Variants in KCNQ5 observed in about 807,000 individuals in gnomAD.
KCNQ5 encodes potassium voltage-gated channel subfamily Q member 5.
In KCNQ5, 30 loss-of-function variants were observed where a neutral mutation model predicts 98.2. The observed-to-expected ratio is 0.31, with a 90% confidence interval of 0.23 to 0.41. The LOEUF (loss-of-function observed/expected upper bound fraction) is 0.41, where lower values mean the gene tolerates loss of function less well. Among genes scored for constraint, KCNQ5 ranks in the 10% least tolerant of loss-of-function variants. The pLI, the probability that KCNQ5 is intolerant of heterozygous loss-of-function variation, is 1.00. For synonymous variants in KCNQ5, 458 were observed against 449.4 expected (o/e 1.02, Z -0.24); for missense variants, 835 against 1,182.5 (o/e 0.71, Z 4.31).
chr6:73,000,883 C>T (rs994451324), intron 1 of KCNQ5, among the ~76,000 whole-genome samples: 5 of 152,224 alleles, frequency 3.3e-5, no homozygotes, highest in Non-Finnish European at 7.3e-5. Flanking sequence ...CCATTTTCTA[C>T]TGAACTAAAT....
intron 1 of KCNQ5, among the ~76,000 whole-genome samples, chr6:72,951,771 A>G (rs1248588659): frequency 1.3e-5 from 2 of 152,166 alleles, no homozygotes; most frequent in African/African-American, 2.4e-5. Flanking sequence ...TAGGGATGAG[A>G]ATTATGTATT....
At chr6:72,920,091 C>T (rs1339686831) in intron 1 of KCNQ5, among the ~76,000 whole-genome samples, 2 of 152,024 alleles carry the variant, frequency 1.3e-5, no homozygotes, top group East Asian at 1.9e-4. Context: ...CACCTGAGGT[C>T]GGGAGTTTGA....
At chr6:72,854,114 C>G (rs556511446) in intron 1 of KCNQ5, among the ~76,000 whole-genome samples, 3 of 152,122 alleles carry the variant, frequency 2.0e-5, no homozygotes, top group Non-Finnish European at 4.4e-5. Context: ...CGCTTAAGAA[C>G]CTGCATGCAA....
intron 1 of KCNQ5, among the ~76,000 whole-genome samples, chr6:72,911,909 C>G (rs181497177): frequency 1.3e-5 from 2 of 152,274 alleles, no homozygotes; most frequent in Non-Finnish European, 2.9e-5. Context: ...TACCTCTGAA[C>G]TGGCAGTTTT....
At chr6:72,766,599 C>A (rs1232119518) in intron 1 of KCNQ5, among the ~76,000 whole-genome samples, 2 of 151,966 alleles carry the variant, frequency 1.3e-5, no homozygotes, top group African/African-American at 4.8e-5. Flanking sequence ...TTTCCAGATA[C>A]AATCTGAAGG....
intron 1 of KCNQ5, among the ~76,000 whole-genome samples, chr6:72,798,025 C>T (rs1055685075): frequency 1.6e-4 from 24 of 152,002 alleles, no homozygotes; most frequent in African/African-American, 5.8e-4. Context: ...AGAATGTATG[C>T]AAGATATAAA....
At position 72,909,176 on chromosome 6, in the gene KCNQ5, G is replaced by A. The variant is rs562164690; in HGVS notation, c.399-94732G>A. Among the ~76,000 whole-genome samples, 321 of 152,202 alleles carry A rather than the reference G, an allele frequency of 2.1e-3. 1 individual carries two copies. The highest frequency in any genetic ancestry group is 7.4e-3 in the African/African-American group (307 of 41,542). ...TTATTTCACTTGAAAGAAAAATGTA[G>A]GTGTAAGGGGAAAAGTTATAGGTAA... is the stretch of plus-strand genomic sequence containing the variant. On this transcript the variant is annotated intron_variant, in intron 1 of 13. Transcript: ENST00000370398.
chr6:72,682,653 A>G (rs1363273972), intron 1 of KCNQ5, among the ~76,000 whole-genome samples: 11 of 152,270 alleles, frequency 7.2e-5, no homozygotes, highest in Non-Finnish European at 1.5e-4. Flanking sequence ...TAAATTTTCT[A>G]TCTCTATGAA....
chr6:73,120,110 G>T (rs1275425447), intron 7 of KCNQ5, among the ~76,000 whole-genome samples: 2 of 151,714 alleles, frequency 1.3e-5, no homozygotes, highest in African/African-American at 2.4e-5. Flanking sequence ...GCCAGGCATG[G>T]TGGTGGGCAC....
At chr6:72,958,691 G>C (rs1767201085) in intron 1 of KCNQ5, among the ~76,000 whole-genome samples, 1 of 152,130 alleles carries the variant, frequency 6.6e-6, no homozygotes, top group Non-Finnish European at 1.5e-5. Flanking sequence ...AATGTTATCA[G>C]GCCTTACACT....
intron 8 of KCNQ5, among the ~76,000 whole-genome samples, chr6:73,122,887 A>G (rs765106582): frequency 1.3e-5 from 2 of 152,236 alleles, no homozygotes; most frequent in African/African-American, 4.8e-5. Context: ...AATAATTTTC[A>G]GTGACTTAGA....
In KCNQ5 at chr6:72,811,543, G is replaced by C. The variant is rs1775241463; in HGVS notation, c.398+188956G>C. ...AAAAGAATGCTATATTCTACCAGTAGTTTTCGTAAAAGAGTAAGAGACTCC... is the reference window on the plus strand; with the variant it reads ...AAAAGAATGCTATATTCTACCAGTACTTTTCGTAAAAGAGTAAGAGACTCC... On this transcript the variant is annotated intron_variant, in intron 1 of 13. Coordinates refer to ENST00000370398, the MANE Select transcript of KCNQ5 (RefSeq NM_019842.4). Among the ~76,000 whole-genome samples, 3 of 152,142 alleles carry C rather than the reference G, an allele frequency of 2.0e-5. No individual in the cohort carries two copies. The South Asian group carries it at 6.2e-4, about 32-fold the overall frequency.
chr6:72,880,325 A>G (rs1028691678), intron 1 of KCNQ5, among the ~76,000 whole-genome samples: 2 of 152,182 alleles, frequency 1.3e-5, no homozygotes, highest in African/African-American at 4.8e-5. Flanking sequence ...TGGCTCATAG[A>G]TGAAACCATC....
intron 1 of KCNQ5, among the ~76,000 whole-genome samples, chr6:72,826,208 T>C (rs9442858): frequency 0.48 from 72,250 of 152,002 alleles, 17,848 homozygotes; most frequent in African/African-American, 0.62. Flanking sequence ...TATACACATA[T>C]ATGACATGAG....
chr6:73,150,051 C>T (rs1375457705), intron 10 of KCNQ5, among the ~76,000 whole-genome samples: 3 of 149,258 alleles, frequency 2.0e-5, no homozygotes, highest in East Asian at 3.9e-4. Context: ...AGGCAGAAAA[C>T]GTGAAGAACA....
chr6:72,942,379 C>T (rs1180731599), intron 1 of KCNQ5, among the ~76,000 whole-genome samples: 1 of 152,002 alleles, frequency 6.6e-6, no homozygotes, highest in Non-Finnish European at 1.5e-5. Context: ...AAACATGCAT[C>T]GAGAATTGTA....
chr6:73,107,572 T>A (rs1010694861), intron 6 of KCNQ5, among the ~76,000 whole-genome samples: 2 of 152,092 alleles, frequency 1.3e-5, no homozygotes, highest in Non-Finnish European at 2.9e-5. Flanking sequence ...AGTGTTAGGG[T>A]CAACAAACCT....
chr6:72,977,797 T>G (rs1768228363), intron 1 of KCNQ5, among the ~76,000 whole-genome samples: 1 of 152,230 alleles, frequency 6.6e-6, no homozygotes, highest in Admixed American at 6.5e-5. Context: ...GCATTTTATG[T>G]AATAATACGT....
intron 1 of KCNQ5, among the ~76,000 whole-genome samples, chr6:72,999,299 A>G (rs750905808): frequency 2.2e-4 from 34 of 152,204 alleles, no homozygotes; most frequent in Non-Finnish European, 4.4e-4. Context: ...AGTTGGTAAT[A>G]TTTAAATTTT....
Sources: allele counts gnomAD v4.1 joint callset (sites outside exome capture counted in the v4.1 genomes callset), GRCh38; gene constraint gnomAD v4.1.1; transcripts MANE v1.5; gene names NCBI Gene and HGNC (gene_info 2026-07-23, HGNC 2026-07-21).